The following NT5C3B variants were observed in gnomAD, a reference collection of about 807,000 sequenced individuals.
NT5C3B encodes the protein 5'-nucleotidase, cytosolic IIIB.
In NT5C3B, 28 loss-of-function variants were observed where a neutral mutation model predicts 32.5. The observed-to-expected ratio is 0.86, with a 90% CI of 0.64 to 1.18. The LOEUF is 1.18. Ranked by LOEUF, NT5C3B falls within the 50% of genes most tolerant of loss-of-function variation. The pLI, the probability that NT5C3B is intolerant of heterozygous loss-of-function variation, is 0.00. For synonymous variants in NT5C3B, 138 were observed against 118.0 expected (o/e 1.17, Z -1.10); for missense variants, 317 against 322.0 (o/e 0.98, Z 0.12).
chr17:41,831,907 T>C (rs1315164305), intron 5 of NT5C3B, among the ~76,000 whole-genome samples: 4 of 151,724 alleles, frequency 2.6e-5, no homozygotes, highest in Admixed American at 6.6e-5. Context: ...ATAGAAAAAA[T>C]GAGCCAGGCA....
chr17:41,829,847 T>C (rs2048023453), intron 6 of NT5C3B, among the ~76,000 whole-genome samples: 1 of 152,064 alleles, frequency 6.6e-6, no homozygotes, highest in South Asian at 2.1e-4. Context: ...CTGGGAGAGA[T>C]GCTGTTGTGG....
At position 41,827,599 on chromosome 17, in the gene NT5C3B, G is replaced by A. The variant is rs782527071; in HGVS notation, c.595C>T (p.Leu199Phe). The A allele has an allele frequency of 3.5e-6, 3 of 863,342 alleles. No homozygotes were observed. The highest frequency in any genetic ancestry group is 2.6e-5 in the South Asian group (2 of 76,304). The allele number at this position is 863,342 out of a possible 1,614,324, so 53.5% of individuals were successfully genotyped here. Residue 199 changes from leucine to phenylalanine, a missense_variant, in exon 8 of 9, where the codon CTC becomes TTC. By Grantham distance (22) the Leu-to-Phe change is conservative. Transcript: ENST00000435506. ...CTGTTCTTGTTGTATGTGTGTATGA[G>A]CTGGCCCTTAAATCCCTGGAGAAAA... The part of the protein sequence containing the change: ...DGFLQGFKGQ[L>F]IHTYNKNSSA...
At position 41,827,556 on chromosome 17, in the gene NT5C3B, G is replaced by C. The variant is rs1046404; in HGVS notation, c.638C>G (p.Ser213Cys). 0.77 allele frequency: 663,984 copies of C among 865,758 alleles called. 256,743 individuals carry two copies. Among genetic ancestry groups the C allele is most frequent in the Admixed American group, 0.87 (51,515 of 59,166 alleles). The allele number at this position is 865,758 out of a possible 1,614,324, so 53.6% of individuals were successfully genotyped here. A position where few individuals can be genotyped will look rare whatever the true frequency, so the allele number is the denominator to read the frequency against. Residue 213 changes from serine to cysteine, a missense_variant, in exon 8 of 9, where the codon TCT becomes TGT. By Grantham distance (112) the Ser-to-Cys change is moderately radical. Transcript: ENST00000435506. The part of the protein sequence containing the change: ...YNKNSSACEN[S>C]GYFQQLEGKT... ...GCCCTCAAGTTGCTGGAAGTAACCA[G>C]AGTTCTCACACGCAGAGCTGTTCTT...
At chr17:41,827,215 C>T (rs1167847930) in intron 8 of NT5C3B, among the ~76,000 whole-genome samples, 2 of 151,492 alleles carry the variant, frequency 1.3e-5, no homozygotes, top group East Asian at 1.9e-4. Context: ...CAGAGGCTCC[C>T]GTGAACCCAG....
intron 2 of NT5C3B, 141 bp from the exon 3 acceptor site, chr17:41,835,413 A>G: frequency 1.4e-6 from 1 of 709,180 alleles, no homozygotes; most frequent in Non-Finnish European, 2.5e-6. Context: ...TTACCGAGTG[A>G]CACAGAGGGA....
At position 41,825,630 on chromosome 17, in the gene NT5C3B, C is replaced by T. The variant is rs782350452; in HGVS notation, c.796G>A (p.Asp266Asn). Residue 266 changes from aspartate (D) to asparagine (N), a missense_variant, in exon 9 of 9, where the codon GAC (aspartate) becomes AAC (asparagine). Coordinates refer to ENST00000435506, the MANE Select transcript of NT5C3B (RefSeq NM_052935.5). ...TTCTCCAGCACGATGTCATAGGAGT[C>T]CATGTAGCGCTCCCGCCGCTCCTCC... ...KVEERRERYM[D>N]SYDIVLEKDE... 2 of 872,770 alleles carry T rather than the reference C, an allele frequency of 2.3e-6. No homozygotes were observed. The highest frequency in any genetic ancestry group is 2.6e-5 in the South Asian group (2 of 76,550). The allele number at this position is 872,770 out of a possible 1,614,324, so 54.1% of individuals were successfully genotyped here. A position where few individuals can be genotyped will look rare whatever the true frequency, so the allele number is the denominator to read the frequency against.
intron 6 of NT5C3B, 35 bp from the exon 7 acceptor site, chr17:41,828,987 G>A: frequency 6.4e-7 from 1 of 1,573,690 alleles, no homozygotes; most frequent in Non-Finnish European, 8.7e-7. Flanking sequence ...AAATGGCACT[G>A]CCTCTACTGC....
chr17:41,832,381 C>T lies in NT5C3B; in HGVS notation c.314+11G>A. On this transcript the variant is annotated intron_variant, in intron 5 of 8. Transcript: ENST00000435506. Reference sequence around the variant, plus strand: ...AGGGCCCAGAAGCTTTTCTCCACCACCATCACTCACCATTCCACCATATGA... The same window carrying T: ...AGGGCCCAGAAGCTTTTCTCCACCATCATCACTCACCATTCCACCATATGA... 1 of 1,612,352 alleles carries T rather than the reference C, an allele frequency of 6.2e-7. No individual in the cohort carries two copies. Among genetic ancestry groups the T allele is most frequent in the Non-Finnish European group, 8.5e-7 (1 of 1,178,648 alleles).
intron 5 of NT5C3B, among the ~76,000 whole-genome samples, chr17:41,831,834 T>C (rs1259314689): frequency 1.3e-5 from 2 of 152,076 alleles, no homozygotes; most frequent in Non-Finnish European, 2.9e-5. Flanking sequence ...AGTGGGAGGA[T>C]TGCTTGAGCT....
chr17:41,835,707 C>A (rs1415271342), intron 2 of NT5C3B, 152 bp downstream of exon 2: 2 of 837,316 alleles, frequency 2.4e-6, no homozygotes, highest in South Asian at 2.9e-5. Flanking sequence ...TTAGGACAGG[C>A]GAACCAACCC....
At position 41,835,889 on chromosome 17, in the gene NT5C3B, G is replaced by C; in HGVS notation, c.81C>G (p.Ala27=). Residue 27 remains alanine (A), a synonymous_variant, in exon 2 of 9, where the codon GCC becomes GCG. Transcript: ENST00000435506. ...ACCGGTCTCCGCCGCCCTTGCGGAG[G>C]GCGCCCACGATCTCCTGCACCCGCC... ...QPGRVQEIVG[A]LRKGGGDRLQ... 2 of 1,609,310 alleles carry C rather than the reference G, an allele frequency of 1.2e-6. No homozygotes were observed. The highest frequency in any genetic ancestry group is 1.7e-6 in the Non-Finnish European group (2 of 1,178,734).
chr17:41,835,986 C>T (rs1555619941), intron 1 of NT5C3B, 29 bp from the exon 2 acceptor site: 1 of 1,539,846 alleles, frequency 6.5e-7, no homozygotes, highest in Non-Finnish European at 8.8e-7. Flanking sequence ...GAACCACTGA[C>T]CCCTGCGCCA....
rs782545449 is a variant in NT5C3B, at chr17:41,836,231, A to G, written c.-38T>C. 2,429 of 1,151,072 alleles carry G rather than the reference A, an allele frequency of 2.1e-3. 5 individuals carry two copies. The highest frequency in any genetic ancestry group is 3.7e-3 in the Admixed American group (78 of 20,880). The allele number at this position is 1,151,072 out of a possible 1,614,324, so 71.3% of individuals were successfully genotyped here. ...CTGGTCGGCGGCTCGCGGGACAACG[A>G]CAGCCCCGCGACCGCACTGCGCAGG... On this transcript the variant is annotated 5_prime_UTR_variant, in exon 1 of 9. Transcript: ENST00000435506.
intron 5 of NT5C3B, among the ~76,000 whole-genome samples, chr17:41,831,183 G>T (rs2048045432): frequency 6.6e-6 from 1 of 152,110 alleles, no homozygotes; most frequent in South Asian, 2.1e-4. Flanking sequence ...GCTGGGCATG[G>T]TGGTGCACGC....
intron 6 of NT5C3B, among the ~76,000 whole-genome samples, chr17:41,829,647 G>A (rs1196854888): frequency 6.6e-6 from 1 of 152,162 alleles, no homozygotes; most frequent in Admixed American, 6.5e-5. Flanking sequence ...TGCATGTAAT[G>A]AGTTTATCCT....
chr17:41,834,953 C>T (rs1007734479), intron 4 of NT5C3B, 117 bp downstream of exon 4: 6 of 1,046,436 alleles, frequency 5.7e-6, no homozygotes, highest in African/African-American at 1.6e-5. Context: ...AGCAAAACAA[C>T]AAGTTTTTAA....
intron 4 of NT5C3B, among the ~76,000 whole-genome samples, chr17:41,834,638 C>T (rs1165432073): frequency 2.0e-5 from 3 of 151,936 alleles, no homozygotes; most frequent in Admixed American, 2.0e-4. Context: ...GTTCCAGCTA[C>T]TCAGTAGGGC....
chr17:41,828,470 G>A (rs782235429), intron 7 of NT5C3B: 4 of 200,910 alleles, frequency 2.0e-5, no homozygotes, highest in Admixed American at 1.6e-4. Flanking sequence ...CGAAGGAGCT[G>A]GGATTACAGC....
chr17:41,831,629 TC>T (rs1362682746), intron 5 of NT5C3B, among the ~76,000 whole-genome samples: 2 of 152,146 alleles, frequency 1.3e-5, no homozygotes, highest in African/African-American at 4.8e-5. Flanking sequence ...TCTTTCTCTC[TC>T]CCCTACTCTC....
Sources: gnomAD v4.1 joint callset for allele counts (sites outside exome capture counted in the v4.1 genomes callset) on GRCh38, gnomAD v4.1.1 for gene constraint, MANE v1.5 for transcripts, NCBI Gene and HGNC (gene_info 2026-07-23, HGNC 2026-07-21) for gene names.